TCF4: variants seen among roughly 807,000 people sequenced by gnomAD.
The protein encoded by TCF4 is transcription factor 4, also known as SL3-3 enhancer factor 2.
A neutral mutation model predicts 82.1 loss-of-function variants in TCF4; 3 were observed. The observed-to-expected ratio is 0.04, with a 90% CI of 0.02 to 0.09. The LOEUF (loss-of-function observed/expected upper bound fraction) is 0.09, where lower values mean the gene tolerates loss of function less well. Among genes scored for constraint, TCF4 ranks in the 10% least tolerant of loss-of-function variants. The probability of loss-of-function intolerance (pLI) is 1.00; values close to 1 mark genes in which losing one functional copy is unlikely to be tolerated. For missense variants in TCF4, 518 were observed against 852.7 expected (o/e 0.61, Z 4.89); for synonymous variants, 276 against 309.6 (o/e 0.89, Z 1.14).
intron 3 of TCF4, among the ~76,000 whole-genome samples, chr18:55,566,199 C>T (rs1033348965): frequency 2.0e-5 from 3 of 151,624 alleles, no homozygotes; most frequent in Non-Finnish European, 2.9e-5. Flanking sequence ...GGCGACAGAG[C>T]GAGATTCTGC....
intron 3 of TCF4, among the ~76,000 whole-genome samples, chr18:55,516,343 T>A (rs1443232643): frequency 6.6e-6 from 1 of 152,110 alleles, no homozygotes; most frequent in Non-Finnish European, 1.5e-5. Context: ...CTTAGTTTGG[T>A]CTTATCTAAA....
intron 3 of TCF4, among the ~76,000 whole-genome samples, chr18:55,519,940 A>G (rs936737333): frequency 6.6e-6 from 1 of 152,198 alleles, no homozygotes; most frequent in Non-Finnish European, 1.5e-5. Context: ...CTTTCTTCAC[A>G]CTTTAGCAGG....
chr18:55,386,162 A>C (rs2092587544), intron 6 of TCF4, among the ~76,000 whole-genome samples: 1 of 152,088 alleles, frequency 6.6e-6, no homozygotes, highest in South Asian at 2.1e-4. Context: ...CTGGGTCCCC[A>C]CCCAGGGAGT....
chr18:55,238,658 C>T (rs1599714551), intron 15 of TCF4, among the ~76,000 whole-genome samples: 1 of 152,090 alleles, frequency 6.6e-6, no homozygotes, highest in South Asian at 2.1e-4. Context: ...TCTTGGGAAC[C>T]GAATGCCACT....
rs181289919 is a variant in TCF4, at chr18:55,475,699, C to G, written c.146-11562G>C. On this transcript the variant is annotated intron_variant, in intron 3 of 19. Transcript: ENST00000354452. ...CCTTACATATCTTCACGTCTCTGAT[C>G]AACTGGTTTTGACAGCCGCAGAAAT... 2.0e-5 allele frequency among the ~76,000 whole-genome samples: 3 copies of G among 152,292 alleles called. No homozygotes were observed. In the East Asian group the frequency reaches 5.8e-4, roughly 29 times the overall value.
chr18:55,587,742 C>T (rs1029671502), intron 1 of TCF4, among the ~76,000 whole-genome samples: 14 of 150,044 alleles, frequency 9.3e-5, no homozygotes, highest in African/African-American at 3.2e-4. Context: ...AGTGGAGGGT[C>T]GGGTCCTCTA....
intron 8 of TCF4, among the ~76,000 whole-genome samples, chr18:55,301,211 C>A (rs1462059998): frequency 6.6e-6 from 1 of 152,012 alleles, no homozygotes; most frequent in South Asian, 2.1e-4. Context: ...GTTCTCACAG[C>A]AGAAAAAAAA....
At chr18:55,291,876 T>C (rs2065176251) in intron 8 of TCF4, among the ~76,000 whole-genome samples, 2 of 152,176 alleles carry the variant, frequency 1.3e-5, no homozygotes, top group Non-Finnish European at 1.5e-5. Flanking sequence ...GGGAGATTTA[T>C]GAAGTACAAT....
At chr18:55,564,206 G>A (rs570924819) in intron 3 of TCF4, among the ~76,000 whole-genome samples, 190 of 152,324 alleles carry the variant, frequency 1.2e-3, no homozygotes, top group African/African-American at 4.4e-3. Flanking sequence ...CCAAAGCCTA[G>A]AAGAATCCCA....
Position 55,635,700 on chromosome 18 carries a change from T to C in TCF4, c.195+3A>G, listed in dbSNP as rs1179298392. 3.9e-6 allele frequency: 6 copies of C among 1,546,890 alleles called. No homozygotes were observed. The Admixed American group carries it at 1.2e-4, about 31-fold the overall frequency. On this transcript the variant is annotated splice_donor_region_variant and intron_variant, in intron 1 of 20. Coordinates refer to the TCF4 transcript ENST00000398339. ...CTAAAGTAGCCCAAATGCTGGTTCCTACCTCCAAGGGCCTCCTGGAGAAGC... is the reference window on the plus strand; with the variant it reads ...CTAAAGTAGCCCAAATGCTGGTTCCCACCTCCAAGGGCCTCCTGGAGAAGC...
At chr18:55,573,042 T>C (rs189477030) in intron 3 of TCF4, among the ~76,000 whole-genome samples, 185 of 151,414 alleles carry the variant, frequency 1.2e-3, no homozygotes, top group African/African-American at 4.4e-3. Context: ...AATGAGAGCT[T>C]AACTCCGTCT....
intron 6 of TCF4, 123 bp from the exon 7 acceptor site, chr18:55,351,126 A>AT (rs1489882459): frequency 1.6e-6 from 2 of 1,264,540 alleles, no homozygotes; most frequent in Non-Finnish European, 2.2e-6. Flanking sequence ...AGCTGAGACA[A>AT]TTAAAACAAA....
intron 8 of TCF4, among the ~76,000 whole-genome samples, chr18:55,310,812 T>G (rs2072131133): frequency 6.6e-6 from 1 of 152,230 alleles, no homozygotes; most frequent in Non-Finnish European, 1.5e-5. Context: ...TTATGCTAAT[T>G]TCTTCTTTCC....
chr18:55,359,309 C>T (rs1180062815), intron 6 of TCF4, among the ~76,000 whole-genome samples: 1 of 152,140 alleles, frequency 6.6e-6, no homozygotes, highest in Non-Finnish European at 1.5e-5. Flanking sequence ...TATTTCTTTT[C>T]CCCCAGTCTT....
intron 6 of TCF4, among the ~76,000 whole-genome samples, chr18:55,355,078 A>AT (rs1911527296): frequency 6.6e-6 from 1 of 152,126 alleles, no homozygotes; most frequent in South Asian, 2.1e-4. Flanking sequence ...CACAGCTGCA[A>AT]TTCCATTCTT....
At chr18:55,399,286 C>T (rs1218810102) in intron 6 of TCF4, among the ~76,000 whole-genome samples, 2 of 152,074 alleles carry the variant, frequency 1.3e-5, no homozygotes, top group Non-Finnish European at 2.9e-5. Flanking sequence ...AATGAGCAAG[C>T]CTATGGGCAA....
rs149506452 is a variant in TCF4 at position 55,333,668 on chromosome 18, G to A, written c.549+16691C>T. Reference sequence around the variant, plus strand: ...CCACTTGCCCCATGTAAGTAAAATTGGGCCATACCACCCTACTGTGTATTA... The same window carrying A: ...CCACTTGCCCCATGTAAGTAAAATTAGGCCATACCACCCTACTGTGTATTA... On this transcript the variant is annotated intron_variant, in intron 8 of 19. Transcript: ENST00000354452. Among the ~76,000 whole-genome samples the A allele has an allele frequency of 2.1e-3, 321 of 152,182 alleles. 2 individuals are homozygous for A. The highest frequency in any genetic ancestry group is 7.4e-3 in the African/African-American group (306 of 41,518).
intron 8 of TCF4, among the ~76,000 whole-genome samples, chr18:55,331,018 T>C (rs1485263561): frequency 1.3e-5 from 2 of 152,222 alleles, no homozygotes. Flanking sequence ...TTTATTATAA[T>C]GTAATATCTC....
intron 11 of TCF4, among the ~76,000 whole-genome samples, chr18:55,262,905 C>T (rs2058344215): frequency 6.6e-6 from 1 of 152,188 alleles, no homozygotes; most frequent in South Asian, 2.1e-4. Flanking sequence ...CTTCCGGGTT[C>T]AAGCAATTCT....
Sources: allele counts gnomAD v4.1 joint callset (sites outside exome capture counted in the v4.1 genomes callset), GRCh38; gene constraint gnomAD v4.1.1; transcripts MANE v1.5; gene names NCBI Gene and HGNC (gene_info 2026-07-23, HGNC 2026-07-21).